The following ROBO1 variants were observed in gnomAD, a reference collection of about 807,000 sequenced individuals.
The protein encoded by ROBO1 is roundabout homolog 1.
A neutral mutation model predicts 195.9 loss-of-function variants in ROBO1; 149 were observed. That is an observed-to-expected ratio of 0.76 (90% CI 0.67 to 0.87). ROBO1 has a LOEUF of 0.87. Among genes scored for constraint, ROBO1 ranks in the 40% least tolerant of loss-of-function variants. The probability of loss-of-function intolerance (pLI) is 0.00; values close to 1 mark genes in which losing one functional copy is unlikely to be tolerated. For missense variants in ROBO1, 1,933 were observed against 2,068.3 expected, an observed-to-expected ratio of 0.93 and a Z score of 1.27; for synonymous variants, 816 against 733.2, an observed-to-expected ratio of 1.11 and a Z score of -1.82.
intron 28 of ROBO1, among the ~76,000 whole-genome samples, chr3:78,608,028 C>CAT (rs2107302385): frequency 6.7e-6 from 1 of 149,074 alleles, no homozygotes; most frequent in South Asian, 2.1e-4. Flanking sequence ...TTTACACACA[C>CAT]ACACACACAC....
intron 2 of ROBO1, among the ~76,000 whole-genome samples, chr3:79,269,286 C>G (rs1255427830): frequency 4.0e-5 from 6 of 151,706 alleles, no homozygotes; most frequent in Admixed American, 4.0e-4. Context: ...GCGCCATATT[C>G]ATTTTAGTAT....
chr3:78,663,342 A>C (rs150485572), intron 14 of ROBO1, among the ~76,000 whole-genome samples: 1 of 152,164 alleles, frequency 6.6e-6, no homozygotes, highest in African/African-American at 2.4e-5. Context: ...AAAAAAAACA[A>C]CTGGGATAAT....
intron 2 of ROBO1, among the ~76,000 whole-genome samples, chr3:79,449,519 T>C (rs564740025): frequency 6.6e-6 from 1 of 152,184 alleles, no homozygotes; most frequent in Non-Finnish European, 1.5e-5. Flanking sequence ...TGTGTACATT[T>C]TGAATATTCT....
intron 2 of ROBO1, among the ~76,000 whole-genome samples, chr3:79,370,552 C>T (rs938408835): frequency 6.6e-6 from 1 of 151,928 alleles, no homozygotes; most frequent in Non-Finnish European, 1.5e-5. Flanking sequence ...AACATGGGAA[C>T]CCTGGGATTG....
chr3:79,153,333 G>A (rs1669818722), intron 2 of ROBO1, among the ~76,000 whole-genome samples: 2 of 151,640 alleles, frequency 1.3e-5, no homozygotes, highest in South Asian at 4.1e-4. Flanking sequence ...CAAAACCAAG[G>A]ACAATTAATT....
Position 79,050,504 on chromosome 3 carries a change from AC to A in ROBO1, c.172+74951del, listed in dbSNP as rs371642863. On this transcript the variant is annotated intron_variant, in intron 3 of 30. Coordinates refer to ENST00000464233, the MANE Select transcript of ROBO1 (RefSeq NM_002941.4). ...GACAGATCAATGAGACAGAAGGTTC[AC>A]AAGGATATCCAGGACTTGAACTCAG... 1.1e-4 allele frequency among the ~76,000 whole-genome samples: 16 copies of A among 152,302 alleles called. No individual in the cohort carries two copies. The East Asian group carries it at 3.1e-3, about 30-fold the overall frequency.
chr3:79,048,398 C>T (rs1052905550), intron 3 of ROBO1, among the ~76,000 whole-genome samples: 1 of 152,044 alleles, frequency 6.6e-6, no homozygotes, highest in African/African-American at 2.4e-5. Context: ...CTTCCTTTAC[C>T]AGCTTTTCAT....
intron 2 of ROBO1, among the ~76,000 whole-genome samples, chr3:79,284,064 T>A (rs867025165): frequency 6.6e-6 from 1 of 152,040 alleles, no homozygotes; most frequent in Non-Finnish European, 1.5e-5. Context: ...TTTTCTCATC[T>A]GATAGGCCTA....
intron 2 of ROBO1, among the ~76,000 whole-genome samples, chr3:79,352,480 G>A (rs1034692730): frequency 2.0e-5 from 3 of 152,140 alleles, no homozygotes; most frequent in Non-Finnish European, 4.4e-5. Flanking sequence ...GACTACGGAC[G>A]TTAATCAGAT....
intron 2 of ROBO1, among the ~76,000 whole-genome samples, chr3:79,257,584 G>C (rs1467380784): frequency 6.6e-6 from 1 of 152,086 alleles, no homozygotes; most frequent in Non-Finnish European, 1.5e-5. Flanking sequence ...GAACAGCTTA[G>C]AGTTGGGGTT....
chr3:79,025,776 C>A (rs2108288278), intron 3 of ROBO1, among the ~76,000 whole-genome samples: 1 of 152,234 alleles, frequency 6.6e-6, no homozygotes, highest in Non-Finnish European at 1.5e-5. Context: ...GGAGCACTGA[C>A]TGAGGTTAAA....
intron 4 of ROBO1, among the ~76,000 whole-genome samples, chr3:78,910,222 GT>G (rs1201057231): frequency 1.3e-5 from 2 of 151,720 alleles, no homozygotes; most frequent in African/African-American, 4.8e-5. Context: ...AGGATCCTGC[GT>G]GTTCCTATAA....
intron 2 of ROBO1, among the ~76,000 whole-genome samples, chr3:79,330,276 T>C (rs556520969): frequency 6.9e-6 from 1 of 144,350 alleles, no homozygotes; most frequent in East Asian, 2.0e-4. Context: ...TATATATGTA[T>C]ATATATATAT....
At chr3:79,517,953 A>G (rs536888140) in intron 2 of ROBO1, among the ~76,000 whole-genome samples, 1 of 152,220 alleles carries the variant, frequency 6.6e-6, no homozygotes, top group Admixed American at 6.5e-5. Flanking sequence ...TTATACTGAC[A>G]TTTTCCAGGG....
chr3:79,570,372 C>T (rs1341243660), intron 2 of ROBO1, among the ~76,000 whole-genome samples: 1 of 151,710 alleles, frequency 6.6e-6, no homozygotes, highest in Non-Finnish European at 1.5e-5. Context: ...ATTTTTTGAT[C>T]AGAATCACTA....
At chr3:78,894,940 G>A (rs2037142438) in intron 4 of ROBO1, among the ~76,000 whole-genome samples, 1 of 152,242 alleles carries the variant, frequency 6.6e-6, no homozygotes, top group Admixed American at 6.5e-5. Context: ...TGCAGTGGAT[G>A]AGCTTTTCTT....
chr3:79,157,151 T>G (rs1242413543), intron 2 of ROBO1, among the ~76,000 whole-genome samples: 1 of 151,920 alleles, frequency 6.6e-6, no homozygotes, highest in Non-Finnish European at 1.5e-5. Context: ...CTTATTTTGT[T>G]GCTGCCTTTA....
intron 5 of ROBO1, among the ~76,000 whole-genome samples, chr3:78,734,357 A>C (rs2082345645): frequency 6.6e-6 from 1 of 150,488 alleles, no homozygotes; most frequent in Admixed American, 6.7e-5. Context: ...CCAGCCCTAC[A>C]GAAGACCAAC....
intron 4 of ROBO1, among the ~76,000 whole-genome samples, chr3:78,788,306 G>C (rs2083906677): frequency 6.6e-6 from 1 of 151,160 alleles, no homozygotes; most frequent in South Asian, 2.1e-4. Flanking sequence ...TTTTAGTAGA[G>C]ACGGGGTTTC....
Sources: allele counts gnomAD v4.1 joint callset (sites outside exome capture counted in the v4.1 genomes callset), GRCh38; gene constraint gnomAD v4.1.1; transcripts MANE v1.5; gene names NCBI Gene and HGNC (gene_info 2026-07-23, HGNC 2026-07-21).